The following ITPR2 variants were observed in gnomAD, a reference collection of about 807,000 sequenced individuals.
The protein encoded by ITPR2 is inositol 1,4,5-trisphosphate receptor type 2.
In ITPR2, 207 loss-of-function variants were observed where a neutral mutation model predicts 317.1. The ratio of observed to expected loss-of-function variants is 0.65; its 90% CI spans 0.58 to 0.73. The LOEUF is 0.73. Ranked by LOEUF, ITPR2 falls within the 30% of genes least tolerant of loss-of-function variation. The pLI, the probability that ITPR2 is intolerant of heterozygous loss-of-function variation, is 0.00. For synonymous variants in ITPR2, 1,156 were observed against 1,149.1 expected (o/e 1.01, Z -0.12); for missense variants, 2,613 against 3,284.0 (o/e 0.80, Z 4.99).
chr12:26,623,447 G>A (rs1184378295), intron 24 of ITPR2: 1 of 152,182 alleles, frequency 6.6e-6, no homozygotes, highest in South Asian at 2.1e-4. Context: ...TGCAAGAGTG[G>A]TGATGCTGGC....
intron 36 of ITPR2, among the ~76,000 whole-genome samples, chr12:26,552,185 A>G (rs1261905507): frequency 6.6e-6 from 1 of 151,850 alleles, no homozygotes; most frequent in South Asian, 2.1e-4. Flanking sequence ...GTGGATGGTG[A>G]TCAGTTTTTT....
At chr12:26,789,930 C>T (rs61920587) in intron 2 of ITPR2, among the ~76,000 whole-genome samples, 24,580 of 152,186 alleles carry the variant, frequency 0.16, 2,718 homozygotes, top group Non-Finnish European at 0.24. Flanking sequence ...TTCCTTTTAA[C>T]AGATAGACCA....
chr12:26,742,396 C>T (rs1270425725), intron 2 of ITPR2, among the ~76,000 whole-genome samples: 1 of 152,134 alleles, frequency 6.6e-6, no homozygotes, highest in Non-Finnish European at 1.5e-5. Context: ...CCACACAAAA[C>T]CTAATGTTAG....
chr12:26,674,615 C>G (rs543762026), intron 13 of ITPR2, among the ~76,000 whole-genome samples: 150 of 152,294 alleles, frequency 9.8e-4, no homozygotes, highest in African/African-American at 3.5e-3. Flanking sequence ...CTAGGCATTA[C>G]CATTCAGGAC....
chr12:26,518,904 T>G (rs1380829812), intron 37 of ITPR2, among the ~76,000 whole-genome samples: 1 of 152,042 alleles, frequency 6.6e-6, no homozygotes, highest in Non-Finnish European at 1.5e-5. Flanking sequence ...ATCAACAAGA[T>G]TTTTCAACTA....
chr12:26,672,502 C>T lies in ITPR2; in HGVS notation c.1410-6451G>A, dbSNP rs1442608090. Among the ~76,000 whole-genome samples, 7 of 150,600 alleles carry T rather than the reference C, an allele frequency of 4.6e-5. No homozygotes were observed. In the South Asian group the frequency reaches 1.1e-3, roughly 23 times the overall value. On this transcript the variant is annotated intron_variant, in intron 13 of 56. Coordinates refer to ENST00000381340, the MANE Select transcript of ITPR2 (RefSeq NM_002223.4). ...AAATAAAGATGTTCTTTGAAACCAA[C>T]GAGAACAAAGACACAACATACCAGA...
intron 13 of ITPR2, among the ~76,000 whole-genome samples, chr12:26,679,594 C>T (rs997005271): frequency 6.6e-6 from 1 of 152,110 alleles, no homozygotes; most frequent in Non-Finnish European, 1.5e-5. Context: ...CTTAAACACC[C>T]CCAAAGAAAT....
At chr12:26,722,887 C>G (rs1346913581) in intron 4 of ITPR2, among the ~76,000 whole-genome samples, 2 of 152,166 alleles carry the variant, frequency 1.3e-5, no homozygotes, top group African/African-American at 4.8e-5. Context: ...AAAACCACAT[C>G]CTTTCTCAAT....
chr12:26,492,459 C>CAA (rs11300033), intron 39 of ITPR2, among the ~76,000 whole-genome samples: 371 of 142,586 alleles, frequency 2.6e-3, no homozygotes, highest in African/African-American at 6.6e-3. Context: ...TGCCCCCCAC[C>CAA]AAAAAAAAAA....
intron 2 of ITPR2, among the ~76,000 whole-genome samples, chr12:26,763,021 C>T (rs1949662953): frequency 6.6e-6 from 1 of 151,970 alleles, no homozygotes; most frequent in Non-Finnish European, 1.5e-5. Flanking sequence ...TTCAGTTAGA[C>T]AGGATGAATA....
At chr12:26,561,663 T>C (rs1944822197) in intron 35 of ITPR2, 99 bp downstream of exon 35, 2 of 1,011,126 alleles carry the variant, frequency 2.0e-6, no homozygotes, top group Admixed American at 3.6e-5. Flanking sequence ...GGTCCCCAAA[T>C]AGAACTTGAT....
chr12:26,381,731 G>A (rs898138350), intron 55 of ITPR2, among the ~76,000 whole-genome samples: 1 of 152,190 alleles, frequency 6.6e-6, no homozygotes, highest in Non-Finnish European at 1.5e-5. Context: ...AGTAAAAGGA[G>A]GAAACGGTTC....
At chr12:26,414,278 T>A (rs1358906178) in intron 51 of ITPR2, among the ~76,000 whole-genome samples, 1 of 152,196 alleles carries the variant, frequency 6.6e-6, no homozygotes, top group Non-Finnish European at 1.5e-5. Context: ...CATTCTGTGC[T>A]TTGATGACTG....
chr12:26,766,386 C>T (rs971310111), intron 2 of ITPR2, among the ~76,000 whole-genome samples: 1 of 151,844 alleles, frequency 6.6e-6, no homozygotes. Context: ...ATGACAACAT[C>T]TTTCCATGCG....
At chr12:26,479,963 T>C (rs11048546) in intron 43 of ITPR2, among the ~76,000 whole-genome samples, 3 of 152,106 alleles carry the variant, frequency 2.0e-5, no homozygotes, top group South Asian at 4.1e-4. Context: ...TTTAGCACAA[T>C]CTTCACGTAA....
At chr12:26,576,478 C>A (rs1249077892) in intron 34 of ITPR2, among the ~76,000 whole-genome samples, 7 of 152,186 alleles carry the variant, frequency 4.6e-5, no homozygotes, top group African/African-American at 1.7e-4. Context: ...CCCTCCCACA[C>A]CATTCAGTTC....
At chr12:26,513,748 T>TCACA (rs3056894) in intron 37 of ITPR2, among the ~76,000 whole-genome samples, 2,030 of 149,406 alleles carry the variant, frequency 0.014, 37 homozygotes, top group African/African-American at 0.043. Context: ...TTGCCAATTA[T>TCACA]CACACACACA....
chr12:26,523,536 T>TTTA (rs67489032), intron 37 of ITPR2, among the ~76,000 whole-genome samples: 3 of 150,764 alleles, frequency 2.0e-5, no homozygotes, highest in Non-Finnish European at 3.0e-5. Context: ...TTTTTTTTTT[T>TTTA]AAAAAGCCTA....
At chr12:26,805,194 G>A (rs1216925759) in intron 1 of ITPR2, among the ~76,000 whole-genome samples, 2 of 152,132 alleles carry the variant, frequency 1.3e-5, no homozygotes, top group Non-Finnish European at 2.9e-5. Context: ...TATCACAATT[G>A]TATCTTTTCC....
Sources: gnomAD v4.1 joint callset for allele counts (sites outside exome capture counted in the v4.1 genomes callset) on GRCh38, gnomAD v4.1.1 for gene constraint, MANE v1.5 for transcripts, NCBI Gene and HGNC (gene_info 2026-07-23, HGNC 2026-07-21) for gene names.